The following NAV2 variants were observed in gnomAD, a reference collection of about 807,000 sequenced individuals.
NAV2 encodes the protein helicase, APC down-regulated 1.
A neutral mutation model predicts 223.2 loss-of-function variants in NAV2; 54 were observed. That is an observed-to-expected ratio of 0.24 (90% confidence interval 0.19 to 0.30). The LOEUF (loss-of-function observed/expected upper bound fraction) is 0.30, where lower values mean the gene tolerates loss of function less well. NAV2 is among the 10% of genes least tolerant of loss of function. The pLI, the probability that NAV2 is intolerant of heterozygous loss-of-function variation, is 1.00. For missense variants in NAV2, 2,806 were observed against 3,147.5 expected (o/e 0.89, Z 2.60); for synonymous variants, 1,279 against 1,239.3 (o/e 1.03, Z -0.67).
intron 1 of NAV2, among the ~76,000 whole-genome samples, chr11:19,821,286 G>A (rs1055107916): frequency 9.6e-5 from 14 of 145,244 alleles, no homozygotes; most frequent in Non-Finnish European, 1.8e-4. Context: ...AAAAAAAGAG[G>A]AAGCTCGTAG....
chr11:19,890,937 G>A (rs2041453757), intron 5 of NAV2, among the ~76,000 whole-genome samples: 1 of 152,144 alleles, frequency 6.6e-6, no homozygotes, highest in African/African-American at 2.4e-5. Context: ...CAGCACAGTG[G>A]GAAGTAATTC....
intron 1 of NAV2, among the ~76,000 whole-genome samples, chr11:19,448,457 C>T (rs1445544873): frequency 1.3e-5 from 2 of 152,224 alleles, no homozygotes; most frequent in Non-Finnish European, 2.9e-5. Flanking sequence ...GCATTATCCT[C>T]AGAAGCAACA....
At chr11:20,069,255 C>T (rs1032464959) in intron 22 of NAV2, among the ~76,000 whole-genome samples, 5 of 152,024 alleles carry the variant, frequency 3.3e-5, no homozygotes, top group Non-Finnish European at 7.4e-5. Context: ...GGAGAAAGAT[C>T]TTGGTGTATT....
intron 1 of NAV2, among the ~76,000 whole-genome samples, chr11:19,570,210 C>T (rs193081278): frequency 6.6e-6 from 1 of 152,316 alleles, no homozygotes; most frequent in Admixed American, 6.5e-5. Context: ...CAAACCCTGC[C>T]TCTGCTCTGC....
chr11:20,080,000 A>T, intron 24 of NAV2, 64 bp from the exon 25 acceptor site: 1 of 1,583,908 alleles, frequency 6.3e-7, no homozygotes, highest in Non-Finnish European at 8.6e-7. Context: ...TAAAGGGCAA[A>T]ATCCTGAGAT....
intron 16 of NAV2, 25 bp downstream of exon 16, chr11:20,049,926 C>A (rs759271604): frequency 1.2e-6 from 2 of 1,610,450 alleles, no homozygotes; most frequent in Non-Finnish European, 1.7e-6. Context: ...GGCCGGGGAC[C>A]AACCGAGCCT....
chr11:19,660,161 C>T (rs758969356), intron 1 of NAV2, among the ~76,000 whole-genome samples: 45 of 152,132 alleles, frequency 3.0e-4, no homozygotes, highest in Non-Finnish European at 5.4e-4. Flanking sequence ...TCAAAGTAAA[C>T]ACAGGTTCAG....
intron 11 of NAV2, among the ~76,000 whole-genome samples, chr11:20,018,562 C>T (rs1368673282): frequency 6.6e-6 from 1 of 152,024 alleles, no homozygotes; most frequent in Non-Finnish European, 1.5e-5. Flanking sequence ...AACTAAAGTC[C>T]TTGGAAGTAC....
At chr11:19,737,546 A>G (rs2052438748) in intron 1 of NAV2, among the ~76,000 whole-genome samples, 1 of 152,220 alleles carries the variant, frequency 6.6e-6, no homozygotes, top group Non-Finnish European at 1.5e-5. Flanking sequence ...GGCAATTGCA[A>G]TCACAGACTT....
intron 1 of NAV2, among the ~76,000 whole-genome samples, chr11:19,722,937 TGCACAAG>T (rs1233076602): frequency 6.6e-6 from 1 of 152,236 alleles, no homozygotes; most frequent in Non-Finnish European, 1.5e-5. Flanking sequence ...CAGATTCCTT[TGCACAAG>T]GCTGTTTATG....
chr11:19,624,384 G>A lies in NAV2; in HGVS notation c.76-208100G>A, dbSNP rs1269609421. 6.7e-4 allele frequency among the ~76,000 whole-genome samples: 102 copies of A among 152,294 alleles called. 2 individuals are homozygous for A. Among genetic ancestry groups the A allele is most frequent in the Non-Finnish European group, 1.5e-5 (1 of 68,022 alleles). On this transcript the variant is annotated intron_variant, in intron 1 of 37. Transcript: ENST00000360655. The stretch of plus-strand genomic sequence containing the variant: ...CCAGAGGTGGAGTCTACAGAGGCAG[G>A]CAGGCCTCCTCGAGCTGCTCAGTTC...
intron 1 of NAV2, among the ~76,000 whole-genome samples, chr11:19,389,641 A>C (rs916624018): frequency 2.6e-5 from 4 of 152,344 alleles, no homozygotes; most frequent in African/African-American, 9.6e-5. Flanking sequence ...TAAGGGTTAC[A>C]TGCCATAATT....
chr11:20,002,381 C>G (rs1189474899), intron 11 of NAV2, among the ~76,000 whole-genome samples: 6 of 152,146 alleles, frequency 3.9e-5, no homozygotes, highest in Non-Finnish European at 8.8e-5. Flanking sequence ...AAAGCCCTCT[C>G]TCTATCTCAG....
intron 1 of NAV2, among the ~76,000 whole-genome samples, chr11:19,504,112 A>G (rs1170019391): frequency 6.6e-6 from 1 of 152,228 alleles, no homozygotes; most frequent in African/African-American, 2.4e-5. Context: ...TGACAATGGG[A>G]CAGCACCATA....
chr11:19,952,861 TTGTG>T (rs993660064), intron 10 of NAV2, among the ~76,000 whole-genome samples: 1 of 151,892 alleles, frequency 6.6e-6, no homozygotes, highest in Non-Finnish European at 1.5e-5. Context: ...CTCTTACACT[TTGTG>T]TGTGTGTGTG....
chr11:20,083,097 T>C lies in NAV2; in HGVS notation c.5416T>C (p.Ser1806Pro), dbSNP rs771811828. The change falls in exon 26 of 38, where the codon TCT (serine) becomes CCT (proline). Residue 1806 changes from serine (S) to proline (P), a missense_variant. Coordinates refer to ENST00000349880, the MANE Select transcript of NAV2 (RefSeq NM_145117.5). Reference sequence around the variant, plus strand: ...AGATATTGAGGAGATGACGGATTCTTCTTTGCCTTCCTCACCAAAGTTACC... The same window carrying C: ...AGATATTGAGGAGATGACGGATTCTCCTTTGCCTTCCTCACCAAAGTTACC... ...HSDIEEMTDS[S>P]LPSSPKLPHN... 6.2e-7 allele frequency: 1 copy of C among 1,614,150 alleles called. No individual in the cohort carries two copies. Among genetic ancestry groups the C allele is most frequent in the Non-Finnish European group, 8.5e-7 (1 of 1,179,982 alleles).
chr11:19,590,011 T>G (rs1375968672), intron 1 of NAV2, among the ~76,000 whole-genome samples: 1 of 152,164 alleles, frequency 6.6e-6, no homozygotes, highest in Non-Finnish European at 1.5e-5. Context: ...TGTGTAGTGG[T>G]GAATTGTGTA....
chr11:19,743,086 T>C (rs1234525583), intron 1 of NAV2, among the ~76,000 whole-genome samples: 1 of 152,156 alleles, frequency 6.6e-6, no homozygotes, highest in East Asian at 1.9e-4. Flanking sequence ...TAGCCTTGGT[T>C]CAAATTCTAC....
intron 1 of NAV2, among the ~76,000 whole-genome samples, chr11:19,722,019 A>G (rs2050785797): frequency 6.6e-6 from 1 of 152,238 alleles, no homozygotes; most frequent in Non-Finnish European, 1.5e-5. Context: ...GTCCTGCCTG[A>G]ATAGTATTTG....
Sources: allele counts gnomAD v4.1 joint callset (sites outside exome capture counted in the v4.1 genomes callset), GRCh38; gene constraint gnomAD v4.1.1; transcripts MANE v1.5; gene names NCBI Gene and HGNC (gene_info 2026-07-23, HGNC 2026-07-21).